SEM1: variants seen among roughly 807,000 people sequenced by gnomAD.
SEM1 encodes SEM1 26S proteasome subunit.
In SEM1, 3 loss-of-function variants were observed where a neutral mutation model predicts 12.7. That is an observed-to-expected ratio of 0.24 (90% CI 0.11 to 0.61). The LOEUF is 0.61. SEM1 is among the 20% of genes least tolerant of loss of function. The probability of loss-of-function intolerance (pLI) is 0.88; values close to 1 mark genes in which losing one functional copy is unlikely to be tolerated. For synonymous variants in SEM1, 30 were observed against 27.8 expected, an observed-to-expected ratio of 1.08 and a Z score of -0.25; for missense variants, 59 against 81.3, an observed-to-expected ratio of 0.73 and a Z score of 1.06.
At chr7:96,586,063 T>C (rs959572388) in intron 2 of SEM1, among the ~76,000 whole-genome samples, 2 of 152,214 alleles carry the variant, frequency 1.3e-5, no homozygotes, top group African/African-American at 2.4e-5. Context: ...AGTCTTGAAC[T>C]CCTGGGCTCA....
chr7:96,511,373 T>C (rs2117299485), intron 2 of SEM1, among the ~76,000 whole-genome samples: 1 of 152,270 alleles, frequency 6.6e-6, no homozygotes, highest in Non-Finnish European at 1.5e-5. Flanking sequence ...GTATACAATT[T>C]AATAAAGATT....
chr7:96,490,393 C>T (rs1360651725), intron 1 of SEM1, among the ~76,000 whole-genome samples: 2 of 152,042 alleles, frequency 1.3e-5, no homozygotes, highest in Non-Finnish European at 2.9e-5. Flanking sequence ...CTATAAAGAG[C>T]CCAGATTACA....
At chr7:96,549,148 C>A (rs973474040) in intron 2 of SEM1, among the ~76,000 whole-genome samples, 1 of 152,154 alleles carries the variant, frequency 6.6e-6, no homozygotes, top group Non-Finnish European at 1.5e-5. Flanking sequence ...CCCACATATG[C>A]TGTTGGAAAA....
chr7:96,514,552 A>G (rs1266087819), intron 2 of SEM1, among the ~76,000 whole-genome samples: 1 of 152,112 alleles, frequency 6.6e-6, no homozygotes, highest in Non-Finnish European at 1.5e-5. Flanking sequence ...ATAATAAGTG[A>G]TTATAGCAAA....
intron 2 of SEM1, among the ~76,000 whole-genome samples, chr7:96,658,284 T>G (rs1255390585): frequency 3.3e-5 from 5 of 152,160 alleles, no homozygotes. Flanking sequence ...ACAGTGTGAG[T>G]GCTCAGTTAA....
At chr7:96,649,375 A>C (rs1318620665) in intron 2 of SEM1, 1 of 152,124 alleles carries the variant, frequency 6.6e-6, no homozygotes, top group African/African-American at 2.4e-5. Flanking sequence ...GTGGTGAAAA[A>C]ATTTGGAGAG....
intron 2 of SEM1, among the ~76,000 whole-genome samples, chr7:96,607,818 C>T (rs1208701333): frequency 6.6e-6 from 1 of 152,122 alleles, no homozygotes; most frequent in African/African-American, 2.4e-5. Flanking sequence ...TTCTGAGTCC[C>T]CTGATCTTAA....
intron 2 of SEM1, among the ~76,000 whole-genome samples, chr7:96,531,603 GT>G (rs1804643932): frequency 2.4e-5 from 1 of 42,530 alleles, no homozygotes; most frequent in African/African-American, 4.5e-5. Flanking sequence ...GAGACTCTGT[GT>G]GGAAAAAAAA....
At chr7:96,543,342 A>T in intron 2 of SEM1, among the ~76,000 whole-genome samples, 1 of 152,008 alleles carries the variant, frequency 6.6e-6, no homozygotes, top group East Asian at 1.9e-4. Context: ...GTTTGATATA[A>T]GGCACTTATA....
downstream of SEM1, among the ~76,000 whole-genome samples, chr7:96,620,473 GTC>G (rs1807857288): frequency 6.6e-6 from 1 of 152,184 alleles, no homozygotes; most frequent in Non-Finnish European, 1.5e-5. Context: ...CTGGAGCAAT[GTC>G]TCTGAGCAGT....
chr7:96,636,868 A>G (rs1482704388), intron 2 of SEM1, among the ~76,000 whole-genome samples: 1 of 151,982 alleles, frequency 6.6e-6, no homozygotes, highest in Non-Finnish European at 1.5e-5. Context: ...TCTGTTACTC[A>G]TGGTAAAGTC....
intron 2 of SEM1, among the ~76,000 whole-genome samples, chr7:96,531,841 T>C (rs2115722674): frequency 6.6e-6 from 1 of 152,238 alleles, no homozygotes; most frequent in Non-Finnish European, 1.5e-5. Context: ...ATGGCAATAC[T>C]AAACACCTTC....
intron 2 of SEM1, among the ~76,000 whole-genome samples, chr7:96,528,860 C>T (rs375119983): frequency 4.6e-5 from 7 of 152,082 alleles, no homozygotes; most frequent in South Asian, 4.1e-4. Flanking sequence ...ATACTACCAC[C>T]GTGGCTTTCT....
chr7:96,536,864 C>G (rs1256720889), intron 2 of SEM1, among the ~76,000 whole-genome samples: 3 of 151,646 alleles, frequency 2.0e-5, no homozygotes, highest in Non-Finnish European at 3.0e-5. Context: ...TTCAAACACT[C>G]TTAACAATCT....
chr7:96,620,772 T>C (rs541735862), downstream of SEM1, among the ~76,000 whole-genome samples: 71 of 152,348 alleles, frequency 4.7e-4, 1 homozygote, highest in Middle Eastern at 3.4e-3. Context: ...TTGCCTCTAA[T>C]CAGCCTCTTT....
upstream of SEM1, among the ~76,000 whole-genome samples, chr7:96,500,702 G>A (rs1179498170): frequency 1.8e-4 from 28 of 152,100 alleles, no homozygotes; most frequent in Admixed American, 1.8e-3. Flanking sequence ...TCCTTATACT[G>A]CTTTAGTTTC....
At chr7:96,690,965 G>C (rs1584866188) in intron 2 of SEM1, among the ~76,000 whole-genome samples, 4 of 152,194 alleles carry the variant, frequency 2.6e-5, no homozygotes, top group Admixed American at 2.6e-4. Flanking sequence ...TAGAGACGGG[G>C]TTTCAACATG....
At chr7:96,588,834 T>G (rs1171325937) in intron 2 of SEM1, among the ~76,000 whole-genome samples, 4 of 152,094 alleles carry the variant, frequency 2.6e-5, no homozygotes, top group African/African-American at 9.7e-5. Context: ...AGAATAAATA[T>G]TAGCACACAG....
At chr7:96,575,473 C>T (rs1461274727) in intron 2 of SEM1, among the ~76,000 whole-genome samples, 2 of 152,204 alleles carry the variant, frequency 1.3e-5, no homozygotes, top group African/African-American at 2.4e-5. Context: ...GAGAGTCTGT[C>T]CCTTAGCAGA....
Sources: allele counts gnomAD v4.1 joint callset (sites outside exome capture counted in the v4.1 genomes callset), GRCh38; gene constraint gnomAD v4.1.1; transcripts MANE v1.5; gene names NCBI Gene and HGNC (gene_info 2026-07-23, HGNC 2026-07-21).